NKAIN3: variants seen among roughly 807,000 people sequenced by gnomAD.
The protein encoded by NKAIN3 is sodium/potassium transporting ATPase interacting 3, also known as sodium/potassium-transporting ATPase subunit beta-1-interacting protein 3.
A neutral mutation model predicts 30.2 loss-of-function variants in NKAIN3; 25 were observed. The observed-to-expected ratio is 0.83, with a 90% CI of 0.60 to 1.16. The LOEUF (loss-of-function observed/expected upper bound fraction) is 1.16, where lower values mean the gene tolerates loss of function less well. Ranked by LOEUF, NKAIN3 falls within the 50% of genes most tolerant of loss-of-function variation. NKAIN3 has a pLI of 0.00. For missense variants in NKAIN3, 225 were observed against 254.1 expected, an observed-to-expected ratio of 0.89 and a Z score of 0.78; for synonymous variants, 91 against 89.6, an observed-to-expected ratio of 1.02 and a Z score of -0.09.
Position 62,792,370 on chromosome 8 carries a change from A to G in NKAIN3, c.471+45241A>G, listed in dbSNP as rs146596053. 6.7e-4 allele frequency among the ~76,000 whole-genome samples: 102 copies of G among 152,304 alleles called. 1 individual carries two copies. In the Middle Eastern group the frequency reaches 0.01, roughly 15 times the overall value. On this transcript the variant is annotated intron_variant, in intron 4 of 6. Transcript: ENST00000623646. The stretch of plus-strand genomic sequence containing the variant: ...TCCAAACCAATATTTTCAATGGATT[A>G]CAGAATAAATTAGCAGATTTATTTA...
intron 3 of NKAIN3, among the ~76,000 whole-genome samples, chr8:62,673,624 G>A (rs1813380513): frequency 6.6e-6 from 1 of 152,172 alleles, no homozygotes; most frequent in Non-Finnish European, 1.5e-5. Flanking sequence ...TCATCATTAT[G>A]CAGTCATTGA....
intron 4 of NKAIN3, among the ~76,000 whole-genome samples, chr8:62,752,146 C>A (rs201173523): frequency 1.3e-5 from 2 of 152,164 alleles, no homozygotes; most frequent in East Asian, 3.9e-4. Flanking sequence ...GGAGTGAATG[C>A]ATGGACAAGA....
At chr8:62,436,545 A>G (rs746900361) in intron 1 of NKAIN3, among the ~76,000 whole-genome samples, 1 of 152,164 alleles carries the variant, frequency 6.6e-6, no homozygotes, top group Non-Finnish European at 1.5e-5. Context: ...TTTTACATTA[A>G]CTGTGGATAG....
chr8:62,468,226 T>C (rs950534433), intron 1 of NKAIN3, among the ~76,000 whole-genome samples: 3 of 152,226 alleles, frequency 2.0e-5, no homozygotes, highest in African/African-American at 7.2e-5. Context: ...ACAATAATGT[T>C]AATCGAATAT....
intron 1 of NKAIN3, among the ~76,000 whole-genome samples, chr8:62,533,465 G>T (rs1808551228): frequency 6.9e-6 from 1 of 144,568 alleles, no homozygotes. Context: ...CCATGGCTGG[G>T]CAGGGCCTTA....
chr8:62,955,657 T>C (rs17277118), intron 6 of NKAIN3, among the ~76,000 whole-genome samples: 85,323 of 152,022 alleles, frequency 0.56, 24,809 homozygotes, highest in African/African-American at 0.73. Context: ...AATTTTCTTC[T>C]TGAATGATTT....
intron 1 of NKAIN3, among the ~76,000 whole-genome samples, chr8:62,265,157 A>G (rs1812565111): frequency 6.6e-6 from 1 of 152,198 alleles, no homozygotes; most frequent in African/African-American, 2.4e-5. Context: ...TTAACTGTCT[A>G]CTGCCCAAAT....
chr8:62,746,508 A>G (rs1260125425), intron 3 of NKAIN3, among the ~76,000 whole-genome samples: 2 of 152,244 alleles, frequency 1.3e-5, no homozygotes, highest in Non-Finnish European at 2.9e-5. Flanking sequence ...ATTCAAGAAT[A>G]TAATATGTGA....
chr8:62,573,226 A>G (rs938345359), intron 1 of NKAIN3, among the ~76,000 whole-genome samples: 19 of 152,168 alleles, frequency 1.2e-4, no homozygotes, highest in African/African-American at 4.1e-4. Flanking sequence ...TTCAATAACC[A>G]TACTGAAGAC....
chr8:62,592,020 A>G (rs528055737), intron 3 of NKAIN3, among the ~76,000 whole-genome samples: 1 of 152,158 alleles, frequency 6.6e-6, no homozygotes, highest in East Asian at 1.9e-4. Flanking sequence ...CCATTTGGAT[A>G]GATTAATAGA....
In NKAIN3 at chr8:62,953,103, C is replaced by T. The variant is rs142167274; in HGVS notation, c.533-799C>T. Among the ~76,000 whole-genome samples, 318 of 152,120 alleles carry T rather than the reference C, an allele frequency of 2.1e-3. 2 individuals are homozygous for T. Among genetic ancestry groups the T allele is most frequent in the Middle Eastern group, 6.8e-3 (2 of 294 alleles). On this transcript the variant is annotated intron_variant, in intron 5 of 6. Transcript: ENST00000623646. The stretch of plus-strand genomic sequence containing the variant: ...TGGGCTAAAATATACTACACATATC[C>T]TCCATTTAGCAAACTTGCTTGGCAT...
At chr8:62,509,078 TACA>T (rs1206339517) in intron 1 of NKAIN3, among the ~76,000 whole-genome samples, 2 of 152,118 alleles carry the variant, frequency 1.3e-5, no homozygotes, top group Admixed American at 6.6e-5. Context: ...CAAAAATACC[TACA>T]ACAAGTGAAG....
chr8:62,571,496 T>C (rs1303427626), intron 1 of NKAIN3, among the ~76,000 whole-genome samples: 1 of 152,170 alleles, frequency 6.6e-6, no homozygotes, highest in Non-Finnish European at 1.5e-5. Context: ...TCTACCATTC[T>C]GGGGTCTGGA....
chr8:62,818,799 T>C (rs1406756761), intron 4 of NKAIN3, among the ~76,000 whole-genome samples: 1 of 151,900 alleles, frequency 6.6e-6, no homozygotes, highest in Non-Finnish European at 1.5e-5. Flanking sequence ...CATCCCAGAG[T>C]ATATACAGGC....
chr8:62,763,221 C>CAAAAAAAAAAA (rs55873861), intron 4 of NKAIN3, among the ~76,000 whole-genome samples: 7 of 47,188 alleles, frequency 1.5e-4, no homozygotes, highest in East Asian at 6.7e-4. Context: ...GACTCCGTCT[C>CAAAAAAAAAAA]AAAAAAAAAA....
intron 3 of NKAIN3, among the ~76,000 whole-genome samples, chr8:62,634,448 T>A (rs1467117581): frequency 6.6e-6 from 1 of 152,210 alleles, no homozygotes; most frequent in Admixed American, 6.5e-5. Context: ...TCTCCACAGC[T>A]GCAACAACCA....
At chr8:62,397,162 G>C (rs541382950) in intron 1 of NKAIN3, among the ~76,000 whole-genome samples, 23 of 152,174 alleles carry the variant, frequency 1.5e-4, no homozygotes, top group African/African-American at 5.5e-4. Flanking sequence ...ACTGGCCTCA[G>C]TGCTCGAAGG....
At chr8:62,543,306 C>T (rs1808902500) in intron 1 of NKAIN3, among the ~76,000 whole-genome samples, 1 of 152,188 alleles carries the variant, frequency 6.6e-6, no homozygotes, top group Admixed American at 6.5e-5. Context: ...TTTGGTCCAT[C>T]TAGCTCATAG....
At chr8:62,422,668 C>G (rs1046480933) in intron 1 of NKAIN3, among the ~76,000 whole-genome samples, 6 of 152,026 alleles carry the variant, frequency 3.9e-5, no homozygotes, top group Admixed American at 3.3e-4. Flanking sequence ...TTTTTCAAGA[C>G]AGGGCTTTCA....
Sources: gnomAD v4.1 joint callset for allele counts (sites outside exome capture counted in the v4.1 genomes callset) on GRCh38, gnomAD v4.1.1 for gene constraint, MANE v1.5 for transcripts, NCBI Gene and HGNC (gene_info 2026-07-23, HGNC 2026-07-21) for gene names.